The following CYTH4 variants were observed in gnomAD, a reference collection of about 807,000 sequenced individuals.
CYTH4 encodes the protein cytohesin-4.
Under a neutral mutation model 57.5 loss-of-function variants are expected in CYTH4, and 22 were observed. That is an observed-to-expected ratio of 0.38 (90% CI 0.27 to 0.55). The LOEUF is 0.55. Among genes scored for constraint, CYTH4 ranks in the 20% least tolerant of loss-of-function variants. The probability of loss-of-function intolerance (pLI) is 0.74; values close to 1 mark genes in which losing one functional copy is unlikely to be tolerated. For synonymous variants in CYTH4, 186 were observed against 206.5 expected (o/e 0.90, Z 0.85); for missense variants, 420 against 535.6 (o/e 0.78, Z 2.13).
rs528830402 is a variant in CYTH4 at position 37,295,636 on chromosome 22, A to G, written c.168-363A>G. Among the ~76,000 whole-genome samples, 3 of 152,066 alleles carry G rather than the reference A, an allele frequency of 2.0e-5. No homozygotes were observed. Among genetic ancestry groups the G allele is most frequent in the Non-Finnish European group, 4.4e-5 (3 of 67,990 alleles). ...CCAGAGAGAGGAAGTGACTCGCCCA[A>G]AGCAGCCCGGCTCAGATTCGCATCC... On this transcript the variant is annotated intron_variant, in intron 3 of 12. Coordinates refer to ENST00000248901, the MANE Select transcript of CYTH4 (RefSeq NM_013385.5). The surrounding 1 kb of genome is among the most constrained non-coding windows in gnomAD (Gnocchi z 4.1).
At position 37,311,614 on chromosome 22, in the gene CYTH4, T is replaced by A. The variant is rs1444666952; in HGVS notation, c.957+87T>A. On this transcript the variant is annotated intron_variant, in intron 11 of 12. Coordinates refer to ENST00000248901, the MANE Select transcript of CYTH4 (RefSeq NM_013385.5). The surrounding 1 kb of genome is among the most constrained non-coding windows in gnomAD (Gnocchi z 4.4). The stretch of plus-strand genomic sequence containing the variant: ...GTGGGGAGAGGGCCTGAGGCTGGGC[T>A]CTCCAGGAAGCCAGGCTGTGCCCCT... 1 of 1,380,502 alleles carries A rather than the reference T, an allele frequency of 7.2e-7. No individual in the cohort carries two copies. The allele number at this position is 1,380,502 out of a possible 1,614,324, so 85.5% of individuals were successfully genotyped here. A position where few individuals can be genotyped will look rare whatever the true frequency, so the allele number is the denominator to read the frequency against.
chr22:37,300,603 G>A (rs572042298), intron 6 of CYTH4, among the ~76,000 whole-genome samples: 3 of 152,332 alleles, frequency 2.0e-5, no homozygotes, highest in Admixed American at 6.5e-5. Context: ...AGACCCCGGG[G>A]CAGGCAGAGG....
rs1274792494 is a variant in CYTH4 at position 37,300,772 on chromosome 22, C to T, written c.435-135C>T. 11 of 704,696 alleles carry T rather than the reference C, an allele frequency of 1.6e-5. No individual in the cohort carries two copies. In the East Asian group the frequency reaches 1.9e-4, roughly 12 times the overall value. The allele number at this position is 704,696 out of a possible 1,614,324, so 43.7% of individuals were successfully genotyped here. ...CTCCCTGGTGCCCATCCCACTTCCCCGTCAGCCCAGATGACAGTTGCAGAT... is the reference window on the plus strand; with the variant it reads ...CTCCCTGGTGCCCATCCCACTTCCCTGTCAGCCCAGATGACAGTTGCAGAT... On this transcript the variant is annotated intron_variant, in intron 6 of 12. Transcript: ENST00000248901.
rs9607442 is a variant in CYTH4, at chr22:37,314,081, C to G, written c.*570C>G. The G allele has an allele frequency of 3.0e-6, 1 of 338,892 alleles. No homozygotes were observed. Among genetic ancestry groups the G allele is most frequent in the East Asian group, 4.4e-5 (1 of 22,580 alleles). The allele number at this position is 338,892 out of a possible 1,614,324, so 21.0% of individuals were successfully genotyped here. A position where few individuals can be genotyped will look rare whatever the true frequency, so the allele number is the denominator to read the frequency against. On this transcript the variant is annotated 3_prime_UTR_variant, in exon 13 of 13. Coordinates refer to ENST00000248901, the MANE Select transcript of CYTH4 (RefSeq NM_013385.5). ...GGGACAGAACCCCGGGAGCACTGCCCTAGGAGCCCGGACCCCACGAGCTCA... is the reference window on the plus strand; with the variant it reads ...GGGACAGAACCCCGGGAGCACTGCCGTAGGAGCCCGGACCCCACGAGCTCA...
At position 37,313,732 on chromosome 22, in the gene CYTH4, ACCCAGCTGCAGGCCCCTGCC is replaced by A. The variant is rs1929738283; in HGVS notation, c.*223_*242del. On this transcript the variant is annotated 3_prime_UTR_variant, in exon 13 of 13. Transcript: ENST00000248901. Reference sequence around the variant, plus strand: ...AGCAATGAGGCCCCCTGGCCTGGGCACCCAGCTGCAGGCCCCTGCCCTACGTGCACTACAGGAAGGGGTGA... The same window carrying A: ...AGCAATGAGGCCCCCTGGCCTGGGCACTACGTGCACTACAGGAAGGGGTGA... 1.7e-6 allele frequency: 1 copy of A among 572,658 alleles called. No homozygotes were observed. Among genetic ancestry groups the A allele is most frequent in the African/African-American group, 1.9e-5 (1 of 53,324 alleles). 35.5% of individuals were successfully genotyped at this position (572,658 alleles called of 1,614,324 possible).
intron 2 of CYTH4, 112 bp from the exon 3 acceptor site, chr22:37,294,548 G>A: frequency 8.5e-7 from 1 of 1,180,862 alleles, no homozygotes; most frequent in Middle Eastern, 2.1e-4. Context: ...CAGGGAGAGG[G>A]GCCAGGTTTG....
chr22:37,298,068 A>C lies in CYTH4; in HGVS notation c.353+386A>C. ...GAATACAAATCGAGCAGGGAAGGGA[A>C]GTCAGAAATGCTGGGGACCGGCCAG... On this transcript the variant is annotated intron_variant, in intron 5 of 12. Coordinates refer to ENST00000248901, the MANE Select transcript of CYTH4 (RefSeq NM_013385.5). The surrounding 1 kb of genome is among the most constrained non-coding windows in gnomAD (Gnocchi z 4.1). The C allele has an allele frequency of 5.9e-6, 1 of 168,486 alleles. No individual in the cohort carries two copies. The highest frequency in any genetic ancestry group is 1.8e-4 in the East Asian group (1 of 5,638). The allele number at this position is 168,486 out of a possible 1,614,324, so 10.4% of individuals were successfully genotyped here.
At position 37,314,799 on chromosome 22, in the gene CYTH4, C is replaced by T. The variant is rs11547751; in HGVS notation, c.*1288C>T. ...TTGGCAGGGGAACAGGAAATGTGGC[C>T]GCCTCTGCCCCACTGCCAGCCTGAG... On this transcript the variant is annotated 3_prime_UTR_variant, in exon 13 of 13. Coordinates refer to ENST00000248901, the MANE Select transcript of CYTH4 (RefSeq NM_013385.5). 0.013 allele frequency: 2,213 copies of T among 171,936 alleles called. 61 individuals carry two copies. Among genetic ancestry groups the T allele is most frequent in the African/African-American group, 0.05 (2,113 of 42,394 alleles). 10.7% of individuals were successfully genotyped at this position (171,936 alleles called of 1,614,324 possible). A position where few individuals can be genotyped will look rare whatever the true frequency, so the allele number is the denominator to read the frequency against.
chr22:37,284,954 G>T (rs553295440), intron 1 of CYTH4, among the ~76,000 whole-genome samples: 2 of 140,104 alleles, frequency 1.4e-5, no homozygotes, highest in Non-Finnish European at 3.2e-5. Flanking sequence ...CGGTGGGGGG[G>T]CGGCGGGGGA....
intron 1 of CYTH4, 73 bp downstream of exon 1, chr22:37,282,661 A>T (rs1241601093): frequency 7.5e-7 from 1 of 1,333,928 alleles, no homozygotes; most frequent in Non-Finnish European, 1.0e-6. Context: ...CCCCTGCCTC[A>T]CAGGGTCCTA....
intron 4 of CYTH4, chr22:37,296,447 T>C: frequency 4.6e-6 from 1 of 219,768 alleles, no homozygotes; most frequent in South Asian, 6.0e-5. Flanking sequence ...GGGCCAGTCC[T>C]GCGGTCCCAC....
chr22:37,292,740 C>T (rs1928796915), intron 2 of CYTH4, 37 bp downstream of exon 2: 1 of 1,603,646 alleles, frequency 6.2e-7, no homozygotes. Flanking sequence ...GTGTCCATGC[C>T]CACACTCCTG....
At chr22:37,285,292 A>G (rs1300848713) in intron 1 of CYTH4, among the ~76,000 whole-genome samples, 2 of 152,130 alleles carry the variant, frequency 1.3e-5, no homozygotes, top group Non-Finnish European at 2.9e-5. Flanking sequence ...GTGGGGGTTC[A>G]TGTCACACCT....
At chr22:37,292,522 A>T (rs1928783254) in intron 1 of CYTH4, 99 bp from the exon 2 acceptor site, 3 of 1,240,582 alleles carry the variant, frequency 2.4e-6, no homozygotes, top group Non-Finnish European at 2.3e-6. Context: ...TGAATAGGGC[A>T]AGTCCTGGGT....
Position 37,313,534 on chromosome 22 carries a change from G to A in CYTH4, c.*23G>A. ...TGAGATTCCTGGAGGTGGCACTGGG[G>A]GCTGGTCACCCTGAGAGTCCCATCG... On this transcript the variant is annotated 3_prime_UTR_variant, in exon 13 of 13. Transcript: ENST00000248901. 1.2e-6 allele frequency: 2 copies of A among 1,612,530 alleles called. No homozygotes were observed. The highest frequency in any genetic ancestry group is 1.7e-6 in the Non-Finnish European group (2 of 1,178,524).
At chr22:37,303,510 G>A in intron 8 of CYTH4, 108 bp downstream of exon 8, 1 of 1,417,458 alleles carries the variant, frequency 7.1e-7, no homozygotes, top group Non-Finnish European at 9.3e-7. Flanking sequence ...GCCCCCAGTG[G>A]GGACTCTGCT....
intron 1 of CYTH4, among the ~76,000 whole-genome samples, chr22:37,289,151 T>A (rs1928657848): frequency 6.6e-6 from 1 of 152,174 alleles, no homozygotes; most frequent in Admixed American, 6.5e-5. Flanking sequence ...CATGCGTCCC[T>A]GTTGCTGGCA....
intron 5 of CYTH4, among the ~76,000 whole-genome samples, 175 bp from the exon 6 acceptor site, chr22:37,299,051 G>T (rs572659739): frequency 6.6e-6 from 1 of 152,266 alleles, no homozygotes; most frequent in South Asian, 2.1e-4. Context: ...GAGGACAAGG[G>T]TGTGCCCTCA....
At chr22:37,299,405 T>C in intron 6 of CYTH4, 99 bp downstream of exon 6, 1 of 1,088,538 alleles carries the variant, frequency 9.2e-7, no homozygotes, top group Non-Finnish European at 1.4e-6. Flanking sequence ...AAACAAAGGG[T>C]TGGGAGCAAA....
Sources: gnomAD v4.1 joint callset for allele counts (sites outside exome capture counted in the v4.1 genomes callset) on GRCh38, gnomAD v4.1.1 for gene constraint, Gnocchi (gnomAD v3.1) non-coding constraint, MANE v1.5 for transcripts, NCBI Gene and HGNC (gene_info 2026-07-23, HGNC 2026-07-21) for gene names.